The following LINGO2 variants were observed in gnomAD, a reference collection of about 807,000 sequenced individuals.
LINGO2 encodes leucine-rich repeat and immunoglobulin-like domain-containing nogo receptor-interacting protein 2.
A neutral mutation model predicts 30.6 loss-of-function variants in LINGO2; 14 were observed. That is an observed-to-expected ratio of 0.46 (90% CI 0.30 to 0.72). LINGO2 has a LOEUF of 0.72. Among genes scored for constraint, LINGO2 ranks in the 30% least tolerant of loss-of-function variants. The probability of loss-of-function intolerance (pLI) is 0.07; values close to 1 mark genes in which losing one functional copy is unlikely to be tolerated. For missense variants in LINGO2, 729 were observed against 751.7 expected (o/e 0.97, Z 0.35); for synonymous variants, 317 against 288.5 (o/e 1.10, Z -1.00).
At chr9:28,351,492 AT>A (rs1819888602) in intron 3 of LINGO2, among the ~76,000 whole-genome samples, 1 of 151,448 alleles carries the variant, frequency 6.6e-6, no homozygotes, top group African/African-American at 2.4e-5. Flanking sequence ...AGGAGCTGAA[AT>A]TGTGGCAATA....
At chr9:27,956,038 C>G (rs1279612705) in intron 5 of LINGO2, among the ~76,000 whole-genome samples, 1 of 147,780 alleles carries the variant, frequency 6.8e-6, no homozygotes, top group African/African-American at 2.5e-5. Context: ...CTCCTGCGTT[C>G]AAGCGATTCT....
At chr9:28,060,318 A>G (rs1825103668) in intron 4 of LINGO2, among the ~76,000 whole-genome samples, 1 of 151,004 alleles carries the variant, frequency 6.6e-6, no homozygotes, top group South Asian at 2.2e-4. Flanking sequence ...TTTCATTGTA[A>G]TTACGATCTT....
chr9:28,980,763 C>A, the LINGO2 span, among the ~76,000 whole-genome samples: 1 of 152,126 alleles, frequency 6.6e-6, no homozygotes, highest in Non-Finnish European at 1.5e-5. Flanking sequence ...TTCTCTGCTT[C>A]ATTTCCTATA....
intron 2 of LINGO2, among the ~76,000 whole-genome samples, chr9:28,374,819 A>C (rs1821056259): frequency 6.6e-6 from 1 of 152,210 alleles, no homozygotes; most frequent in South Asian, 2.1e-4. Context: ...AAATTTACCA[A>C]GTTAGCCTGT....
intron 5 of LINGO2, among the ~76,000 whole-genome samples, chr9:27,957,908 T>C (rs968233804): frequency 6.6e-6 from 1 of 152,126 alleles, no homozygotes; most frequent in Non-Finnish European, 1.5e-5. Flanking sequence ...CATCTAGAAA[T>C]AAAGACAGTT....
At chr9:28,349,841 T>C (rs1329375738) in intron 3 of LINGO2, among the ~76,000 whole-genome samples, 2 of 152,146 alleles carry the variant, frequency 1.3e-5, no homozygotes, top group Non-Finnish European at 2.9e-5. Flanking sequence ...TGGGGGCCGA[T>C]ATTCAACGTT....
chr9:28,290,264 T>G (rs566196014), intron 4 of LINGO2, among the ~76,000 whole-genome samples: 2 of 152,288 alleles, frequency 1.3e-5, no homozygotes, highest in African/African-American at 4.8e-5. Flanking sequence ...TAGCGCTGTA[T>G]TAAGTATTGG....
At chr9:27,954,649 A>G (rs1265135719) in intron 5 of LINGO2, among the ~76,000 whole-genome samples, 2 of 152,184 alleles carry the variant, frequency 1.3e-5, no homozygotes, top group Non-Finnish European at 2.9e-5. Flanking sequence ...GTGCTGCAAT[A>G]AACATGGGCA....
At chr9:28,226,905 GC>G (rs1821189289) in intron 4 of LINGO2, among the ~76,000 whole-genome samples, 1 of 152,076 alleles carries the variant, frequency 6.6e-6, no homozygotes, top group Non-Finnish European at 1.5e-5. Flanking sequence ...TAAGTACTAA[GC>G]CAATTTTTCG....
the LINGO2 span, among the ~76,000 whole-genome samples, chr9:29,084,039 T>C: frequency 6.6e-6 from 1 of 152,014 alleles, no homozygotes; most frequent in East Asian, 1.9e-4. Context: ...TAGGAAAAAA[T>C]CAAAAATGTA....
chr9:28,361,476 T>G (rs1820440797), intron 3 of LINGO2, among the ~76,000 whole-genome samples: 1 of 152,154 alleles, frequency 6.6e-6, no homozygotes, highest in African/African-American at 2.4e-5. Context: ...CAATGTGCTC[T>G]GATATTTTTC....
the LINGO2 span, among the ~76,000 whole-genome samples, chr9:28,735,917 T>C: frequency 1.3e-5 from 2 of 152,214 alleles, no homozygotes; most frequent in Non-Finnish European, 2.9e-5. Context: ...TTTATAGTCA[T>C]ACAAAAGGTG....
At chr9:28,910,010 T>C in the LINGO2 span, among the ~76,000 whole-genome samples, 4 of 152,058 alleles carry the variant, frequency 2.6e-5, no homozygotes. Flanking sequence ...CAAATATTCT[T>C]AAGCAAAGCC....
the LINGO2 span, among the ~76,000 whole-genome samples, chr9:28,905,980 A>G: frequency 1.3e-5 from 2 of 152,108 alleles, no homozygotes; most frequent in African/African-American, 4.8e-5. Context: ...TTAAGCCTTA[A>G]AAAAGAAGGA....
the LINGO2 span, among the ~76,000 whole-genome samples, chr9:28,694,462 C>G: frequency 6.6e-6 from 1 of 151,972 alleles, no homozygotes; most frequent in Non-Finnish European, 1.5e-5. Flanking sequence ...GTAGCTCACA[C>G]GACATCTCCT....
chr9:28,733,698 A>AAGTTAACC, the LINGO2 span, among the ~76,000 whole-genome samples: 1 of 152,076 alleles, frequency 6.6e-6, no homozygotes, highest in East Asian at 1.9e-4. Flanking sequence ...ATCATTACTC[A>AAGTTAACC]AGTTAACCTC....
At chr9:28,213,751 T>A (rs554114931) in intron 4 of LINGO2, among the ~76,000 whole-genome samples, 3 of 151,554 alleles carry the variant, frequency 2.0e-5, no homozygotes, top group African/African-American at 7.2e-5. Flanking sequence ...TCAGTGGTTA[T>A]ATATTTATTT....
the LINGO2 span, among the ~76,000 whole-genome samples, chr9:29,162,934 T>C: frequency 1.4e-4 from 21 of 152,142 alleles, no homozygotes; most frequent in African/African-American, 4.6e-4. Flanking sequence ...AAAAAGAAAA[T>C]GTCTGGTTTC....
At chr9:28,411,881 T>A (rs1822777286) in intron 2 of LINGO2, among the ~76,000 whole-genome samples, 4 of 152,108 alleles carry the variant, frequency 2.6e-5, no homozygotes. Context: ...TAAATCCCAT[T>A]AACAGTGTAC....
Sources: gnomAD v4.1 joint callset for allele counts (sites outside exome capture counted in the v4.1 genomes callset) on GRCh38, gnomAD v4.1.1 for gene constraint, MANE v1.5 for transcripts, NCBI Gene and HGNC (gene_info 2026-07-23, HGNC 2026-07-21) for gene names.